Variants in ZNF540 observed in about 807,000 individuals in gnomAD.
ZNF540 encodes zinc finger protein 540, also known as CTD-3064H18.6.
In ZNF540, 3 loss-of-function variants were observed where a neutral mutation model predicts 11.8. The ratio of observed to expected loss-of-function variants is 0.25; its 90% CI spans 0.12 to 0.65. The LOEUF (loss-of-function observed/expected upper bound fraction) is 0.65. ZNF540 is among the 30% of genes least tolerant of loss of function. ZNF540 has a pLI of 0.83. For missense variants in ZNF540, 709 were observed against 793.1 expected (o/e 0.89, Z 1.27); for synonymous variants, 247 against 259.0 (o/e 0.95, Z 0.45).
intron 1 of ZNF540, among the ~76,000 whole-genome samples, chr19:37,559,953 G>A (rs2042699579): frequency 6.6e-6 from 1 of 152,168 alleles, no homozygotes; most frequent in Non-Finnish European, 1.5e-5. Context: ...TTTAACAGCA[G>A]ATGAGTGCAA....
chr19:37,600,896 C>T (rs565033694), intron 3 of ZNF540, 114 bp from the exon 4 acceptor site: 445 of 874,540 alleles, frequency 5.1e-4, no homozygotes, highest in Non-Finnish European at 6.8e-4. Flanking sequence ...CAGTTTTTTC[C>T]GAAGTCTTCA....
chr19:37,583,199 G>A (rs1471387969), intron 1 of ZNF540, among the ~76,000 whole-genome samples: 1 of 152,110 alleles, frequency 6.6e-6, no homozygotes, highest in African/African-American at 2.4e-5. Flanking sequence ...TACCTCCCCT[G>A]AGCTATCATT....
In ZNF540 at chr19:37,581,878, A is replaced by T. The variant is rs559568180; in HGVS notation, c.-72-16498A>T. Among the ~76,000 whole-genome samples, 556 of 152,130 alleles carry T rather than the reference A, an allele frequency of 3.7e-3. 2 individuals are homozygous for T. Among genetic ancestry groups the T allele is most frequent in the Non-Finnish European group, 3.4e-3 (233 of 67,978 alleles). ...TGCAGGGTGAACCAGGAGAATGGCA[A>T]AACTTCTCAAGAGGTATGCATGCTT... On this transcript the variant is annotated intron_variant, in intron 1 of 4. Transcript: ENST00000592533.
intron 1 of ZNF540, among the ~76,000 whole-genome samples, chr19:37,589,508 T>C (rs1224069453): frequency 6.6e-6 from 1 of 151,936 alleles, no homozygotes; most frequent in Non-Finnish European, 1.5e-5. Context: ...TCAACGGTCA[T>C]TCAACATGTA....
intron 1 of ZNF540, among the ~76,000 whole-genome samples, chr19:37,582,952 T>C (rs1309967730): frequency 1.3e-5 from 2 of 152,222 alleles, no homozygotes; most frequent in Non-Finnish European, 2.9e-5. Context: ...AGGGGCTCCC[T>C]ATCACACTTA....
chr19:37,556,870 T>C (rs1014815615), intron 1 of ZNF540, among the ~76,000 whole-genome samples: 3 of 152,032 alleles, frequency 2.0e-5, no homozygotes, highest in Non-Finnish European at 4.4e-5. Context: ...TTTGTAAGAG[T>C]GTTTTTTAGG....
chr19:37,602,688 G>A (rs2044049031), intron 4 of ZNF540, among the ~76,000 whole-genome samples: 1 of 152,214 alleles, frequency 6.6e-6, no homozygotes. Context: ...TTGAGAACAA[G>A]TAGCCTGGAG....
chr19:37,593,773 G>A (rs2043936645), upstream of ZNF540, among the ~76,000 whole-genome samples: 4 of 152,052 alleles, frequency 2.6e-5, no homozygotes, highest in Admixed American at 2.6e-4. Context: ...GGAAAGGAGA[G>A]GTGTAGTGTG....
intron 1 of ZNF540, chr19:37,566,181 A>T (rs2042851590): frequency 6.2e-7 from 1 of 1,613,970 alleles, no homozygotes; most frequent in East Asian, 2.2e-5. Flanking sequence ...AGACCATTGT[A>T]TTGAAGGTGA....
At chr19:37,589,507 A>C (rs544332137) in intron 1 of ZNF540, among the ~76,000 whole-genome samples, 1 of 152,226 alleles carries the variant, frequency 6.6e-6, no homozygotes, top group Non-Finnish European at 1.5e-5. Context: ...GTCAACGGTC[A>C]TTCAACATGT....
chr19:37,557,057 AAACTT>A (rs924226469), intron 1 of ZNF540, among the ~76,000 whole-genome samples: 2 of 152,140 alleles, frequency 1.3e-5, no homozygotes, highest in African/African-American at 4.8e-5. Flanking sequence ...CATTGAGTAA[AAACTT>A]AACTACCAAG....
chr19:37,604,408 C>G (rs1197496775), intron 4 of ZNF540, among the ~76,000 whole-genome samples: 1 of 147,824 alleles, frequency 6.8e-6, no homozygotes, highest in African/African-American at 2.5e-5. Context: ...CCCGGGTTCA[C>G]GCCATTCTCC....
chr19:37,566,446 G>T, intron 1 of ZNF540: 1 of 809,428 alleles, frequency 1.2e-6, no homozygotes, highest in Non-Finnish European at 1.8e-6. Context: ...AAAGGCACAA[G>T]GAGAGAATAA....
chr19:37,571,032 C>G (rs911135881), intron 1 of ZNF540, among the ~76,000 whole-genome samples: 1 of 152,116 alleles, frequency 6.6e-6, no homozygotes, highest in Admixed American at 6.5e-5. Flanking sequence ...ATAATTATAA[C>G]AAATTCTATT....
In ZNF540 at chr19:37,565,621, A is replaced by C. The variant is rs377270640; in HGVS notation, c.-73+13956A>C. 5.2e-5 allele frequency: 84 copies of C among 1,613,320 alleles called. No individual in the cohort carries two copies. Among genetic ancestry groups the C allele is most frequent in the Non-Finnish European group, 6.1e-5 (72 of 1,179,802 alleles). On this transcript the variant is annotated intron_variant, in intron 1 of 4. Transcript: ENST00000592533. ...GTTTTTCACCACTATGAATTCTCTG[A>C]TGAAGAGTATATTGTGAACAATAAC...
chr19:37,611,418 CCGTTTTCA>C, intron 4 of ZNF540, 87 bp from the exon 5 acceptor site: 1 of 976,456 alleles, frequency 1.0e-6, no homozygotes, highest in South Asian at 1.8e-5. Context: ...CTAGTAAGAA[CCGTTTTCA>C]CTTTGTTTCC....
At chr19:37,558,357 TG>T (rs1476722378) in intron 1 of ZNF540, among the ~76,000 whole-genome samples, 1 of 152,180 alleles carries the variant, frequency 6.6e-6, no homozygotes, top group Non-Finnish European at 1.5e-5. Flanking sequence ...TGGGGCTGCC[TG>T]AGCCACAAAT....
Position 37,599,628 on chromosome 19 carries a change from A to G in ZNF540, c.12A>G (p.Ala4=). Residue 4 remains alanine (A), a splice_region_variant and synonymous_variant, in exon 3 of 5, where the codon GCA becomes GCG. Transcript: ENST00000316433. MAH[A]LVTFRDVAID... ...AATATGTTGGTTTATGGTTTCAGGC[A>G]TTGGTGACGTTCAGGGATGTGGCTA... 6.2e-7 allele frequency: 1 copy of G among 1,614,056 alleles called. No individual in the cohort carries two copies. The highest frequency in any genetic ancestry group is 8.5e-7 in the Non-Finnish European group (1 of 1,179,954).
rs574222988 is a variant in ZNF540, at chr19:37,613,808, C to T, written c.*545C>T. On this transcript the variant is annotated 3_prime_UTR_variant, in exon 5 of 5. Transcript: ENST00000316433. ...GTTATGGGCTGAATGTTTGTGTTCC[C>T]GTAACAATTCCTATGTTGAAACACG... is the stretch of plus-strand genomic sequence containing the variant. The T allele has an allele frequency of 7.5e-5, 30 of 398,532 alleles. No individual in the cohort carries two copies. The highest frequency in any genetic ancestry group is 1.1e-4 in the Non-Finnish European group (24 of 226,058). The allele number at this position is 398,532 out of a possible 1,614,324, so 24.7% of individuals were successfully genotyped here.
Sources: gnomAD v4.1 joint callset for allele counts (sites outside exome capture counted in the v4.1 genomes callset) on GRCh38, gnomAD v4.1.1 for gene constraint, MANE v1.5 for transcripts, NCBI Gene and HGNC (gene_info 2026-07-23, HGNC 2026-07-21) for gene names.